Variants in PDE3A observed in about 807,000 individuals in gnomAD.
PDE3A encodes cGMP-inhibited 3',5'-cyclic phosphodiesterase 3A.
Under a neutral mutation model 98.3 loss-of-function variants are expected in PDE3A, and 43 were observed. The observed-to-expected ratio is 0.44, with a 90% CI of 0.34 to 0.56. The LOEUF is 0.56. PDE3A is among the 20% of genes least tolerant of loss of function. The pLI, the probability that PDE3A is intolerant of heterozygous loss-of-function variation, is 0.01. For synonymous variants in PDE3A, 663 were observed against 567.9 expected, an observed-to-expected ratio of 1.17 and a Z score of -2.38; for missense variants, 1,427 against 1,440.7, an observed-to-expected ratio of 0.99 and a Z score of 0.15.
At chr12:20,469,673 T>C (rs536025190) in intron 1 of PDE3A, among the ~76,000 whole-genome samples, 1 of 152,364 alleles carries the variant, frequency 6.6e-6, no homozygotes, top group Admixed American at 6.5e-5. Flanking sequence ...TGGGTGCCTT[T>C]ATATGTTTTT....
chr12:20,666,650 A>G (rs1169777842), intron 15 of PDE3A, among the ~76,000 whole-genome samples: 1 of 152,180 alleles, frequency 6.6e-6, no homozygotes, highest in African/African-American at 2.4e-5. Context: ...TTGTGTATGT[A>G]TACCACATTT....
intron 12 of PDE3A, 138 bp downstream of exon 12, chr12:20,647,088 T>C: frequency 1.6e-6 from 1 of 613,900 alleles, no homozygotes; most frequent in South Asian, 2.0e-5. Context: ...TCAGAGACCG[T>C]GCTAATTCTG....
In PDE3A at chr12:20,541,346, C is replaced by T. The variant is rs559226365; in HGVS notation, c.961-15314C>T. Among the ~76,000 whole-genome samples the T allele has an allele frequency of 1.3e-4, 19 of 151,954 alleles. No individual in the cohort carries two copies. In the East Asian group the frequency reaches 3.7e-3, roughly 30 times the overall value. On this transcript the variant is annotated intron_variant, in intron 1 of 15. Transcript: ENST00000359062. ...CAAACTGCTGGCCTCCTCAACTGAT[C>T]CTCTCACCTCAGTCTCTCAAAGTGC...
intron 1 of PDE3A, among the ~76,000 whole-genome samples, chr12:20,518,317 A>G (rs980715968): frequency 6.6e-6 from 1 of 152,164 alleles, no homozygotes; most frequent in Admixed American, 6.5e-5. Context: ...CTGAGAGGAC[A>G]TATTTTGAAA....
intron 15 of PDE3A, among the ~76,000 whole-genome samples, chr12:20,654,660 C>CTTTTTT (rs71442265): frequency 7.0e-3 from 599 of 85,750 alleles, no homozygotes; most frequent in East Asian, 0.017. Flanking sequence ...CTACACCCGG[C>CTTTTTT]TTTTTTTTTT....
chr12:20,600,194 G>A (rs1397262974), intron 2 of PDE3A, among the ~76,000 whole-genome samples: 1 of 152,124 alleles, frequency 6.6e-6, no homozygotes, highest in Non-Finnish European at 1.5e-5. Context: ...TGTCTTCAAT[G>A]CCCAAATGTA....
chr12:20,474,247 C>G (rs1295303763), intron 1 of PDE3A, among the ~76,000 whole-genome samples: 3 of 151,988 alleles, frequency 2.0e-5, no homozygotes, highest in Non-Finnish European at 2.9e-5. Context: ...CTTGAAATGC[C>G]TTTGTTTTTG....
rs572957025 is a variant in PDE3A at position 20,604,581 on chromosome 12, A to G, written c.1012-8862A>G. Among the ~76,000 whole-genome samples, 248 of 152,304 alleles carry G rather than the reference A, an allele frequency of 1.6e-3. 1 individual carries two copies. The highest frequency in any genetic ancestry group is 2.4e-3 in the Non-Finnish European group (161 of 68,010). ...ATAGCTTTAACACCGCAATTACATTATGTCTCATTTTAAGGGAAAGAAAAT... is the reference window on the plus strand; with the variant it reads ...ATAGCTTTAACACCGCAATTACATTGTGTCTCATTTTAAGGGAAAGAAAAT... On this transcript the variant is annotated intron_variant, in intron 2 of 15. Coordinates refer to ENST00000359062, the MANE Select transcript of PDE3A (RefSeq NM_000921.5).
chr12:20,557,346 G>A (rs1344324475), intron 2 of PDE3A: 6 of 152,286 alleles, frequency 3.9e-5, no homozygotes, highest in African/African-American at 1.4e-4. Context: ...TTTCCCTGAT[G>A]GAATAAAGGC....
chr12:20,637,283 G>GT (rs1446194722), intron 9 of PDE3A, 46 bp downstream of exon 9: 3 of 1,430,250 alleles, frequency 2.1e-6, no homozygotes, highest in East Asian at 4.7e-5. Context: ...AGGAAAAACA[G>GT]TTCCTTTGTT....
At chr12:20,515,497 A>T (rs1946302483) in intron 1 of PDE3A, among the ~76,000 whole-genome samples, 1 of 152,146 alleles carries the variant, frequency 6.6e-6, no homozygotes, top group African/African-American at 2.4e-5. Context: ...AGGACAGTTG[A>T]TATGGTGTGT....
At chr12:20,410,780 T>C (rs1336978271) in intron 1 of PDE3A, among the ~76,000 whole-genome samples, 3 of 152,212 alleles carry the variant, frequency 2.0e-5, no homozygotes, top group Non-Finnish European at 4.4e-5. Flanking sequence ...TATAGCAATC[T>C]ATTTTGAAAA....
chr12:20,665,343 T>C (rs887291986), intron 15 of PDE3A, among the ~76,000 whole-genome samples: 3 of 151,790 alleles, frequency 2.0e-5, no homozygotes, highest in South Asian at 2.1e-4. Flanking sequence ...TTGAAATATA[T>C]TTTTTTCTGT....
At chr12:20,503,402 G>A (rs541362497) in intron 1 of PDE3A, among the ~76,000 whole-genome samples, 2 of 152,002 alleles carry the variant, frequency 1.3e-5, no homozygotes. Context: ...TAAGAAGGAT[G>A]CAAATTCAGC....
intron 1 of PDE3A, among the ~76,000 whole-genome samples, chr12:20,494,872 C>A (rs919590365): frequency 5.7e-4 from 82 of 143,530 alleles, no homozygotes; most frequent in Admixed American, 1.1e-3. Context: ...AACAATTCCG[C>A]AAAAAAAAAA....
chr12:20,467,991 A>ATGGATGAG (rs1945373361), intron 1 of PDE3A, among the ~76,000 whole-genome samples: 2 of 142,312 alleles, frequency 1.4e-5, no homozygotes, highest in Admixed American at 1.5e-4. Context: ...GAGTTGCTTA[A>ATGGATGAG]TGGATGAGAA....
chr12:20,401,911 C>T (rs1591890981), intron 1 of PDE3A, among the ~76,000 whole-genome samples: 1 of 152,134 alleles, frequency 6.6e-6, no homozygotes, highest in East Asian at 1.9e-4. Flanking sequence ...AATTTGAATG[C>T]AGGTAGTGCT....
chr12:20,558,614 A>G (rs1942430887), intron 2 of PDE3A, among the ~76,000 whole-genome samples: 1 of 151,784 alleles, frequency 6.6e-6, no homozygotes, highest in African/African-American at 2.4e-5. Context: ...AGAATTTCCA[A>G]AGAATTTGGA....
At chr12:20,534,292 T>C (rs1450753518) in intron 1 of PDE3A, among the ~76,000 whole-genome samples, 1 of 152,202 alleles carries the variant, frequency 6.6e-6, no homozygotes, top group African/African-American at 2.4e-5. Flanking sequence ...CCAGTGATTA[T>C]TGAATTAGTT....
Sources: gnomAD v4.1 joint callset for allele counts (sites outside exome capture counted in the v4.1 genomes callset) on GRCh38, gnomAD v4.1.1 for gene constraint, MANE v1.5 for transcripts, NCBI Gene and HGNC (gene_info 2026-07-23, HGNC 2026-07-21) for gene names.